Variants in AKT3 observed in about 807,000 individuals in gnomAD.
AKT3 encodes RAC-gamma serine/threonine-protein kinase.
Under a neutral mutation model 65.3 loss-of-function variants are expected in AKT3, and 15 were observed. That is an observed-to-expected ratio of 0.23 (90% CI 0.15 to 0.35). AKT3 has a LOEUF of 0.35. AKT3 is among the 10% of genes least tolerant of loss of function. The pLI, the probability that AKT3 is intolerant of heterozygous loss-of-function variation, is 1.00. For missense variants in AKT3, 243 were observed against 576.5 expected (o/e 0.42, Z 5.92); for synonymous variants, 206 against 183.8 (o/e 1.12, Z -0.98).
chr1:243,753,564 A>T (rs889211360), intron 2 of AKT3, among the ~76,000 whole-genome samples: 2 of 152,216 alleles, frequency 1.3e-5, no homozygotes, highest in African/African-American at 4.8e-5. Flanking sequence ...TGGTTTAAGA[A>T]AGAAATGTCC....
chr1:243,849,377 C>T (rs1249583117), intron 1 of AKT3, among the ~76,000 whole-genome samples: 1 of 102,792 alleles, frequency 9.7e-6, no homozygotes, highest in Non-Finnish European at 2.2e-5. Flanking sequence ...ACCCACCTCC[C>T]ACACACACAC....
chr1:243,746,383 T>C (rs905551257), intron 2 of AKT3, among the ~76,000 whole-genome samples: 4 of 152,228 alleles, frequency 2.6e-5, no homozygotes, highest in Non-Finnish European at 5.9e-5. Flanking sequence ...TCTTGAGTGA[T>C]AAATGTTTTT....
intron 2 of AKT3, among the ~76,000 whole-genome samples, chr1:243,755,771 C>T (rs1277755329): frequency 2.0e-5 from 3 of 152,198 alleles, no homozygotes; most frequent in South Asian, 4.1e-4. Context: ...AGTAAAAGAA[C>T]CCTTTTATCA....
intron 2 of AKT3, among the ~76,000 whole-genome samples, chr1:243,719,167 T>C (rs1260162179): frequency 6.6e-6 from 1 of 152,230 alleles, no homozygotes. Context: ...GCAAGCTGCA[T>C]GTGGAATGTG....
intron 11 of AKT3, among the ~76,000 whole-genome samples, chr1:243,551,859 G>A (rs924738095): frequency 1.3e-5 from 2 of 152,056 alleles, no homozygotes; most frequent in Non-Finnish European, 2.9e-5. Context: ...GTAGCTCATT[G>A]AACAAAGCAG....
chr1:243,664,592 T>C (rs956616816), intron 4 of AKT3, among the ~76,000 whole-genome samples, 180 bp downstream of exon 4: 7 of 152,120 alleles, frequency 4.6e-5, no homozygotes, highest in Non-Finnish European at 1.0e-4. Context: ...GGTTCTGATA[T>C]ATTAAATATT....
At chr1:243,849,801 G>C (rs1463901827) in intron 1 of AKT3, among the ~76,000 whole-genome samples, 1 of 151,758 alleles carries the variant, frequency 6.6e-6, no homozygotes, top group Non-Finnish European at 1.5e-5. Context: ...GGAAAGCGGG[G>C]GGTGTCGGTG....
intron 2 of AKT3, among the ~76,000 whole-genome samples, chr1:243,713,415 A>T (rs1440296097): frequency 6.6e-6 from 1 of 152,160 alleles, no homozygotes; most frequent in Non-Finnish European, 1.5e-5. Context: ...ATTAGTATGT[A>T]CCCTTGGTTA....
At chr1:243,591,315 G>C (rs1288722363) in intron 8 of AKT3, among the ~76,000 whole-genome samples, 1 of 152,204 alleles carries the variant, frequency 6.6e-6, no homozygotes, top group African/African-American at 2.4e-5. Context: ...ATCTAACAGA[G>C]TTTTAAAAAA....
At chr1:243,678,937 T>TC (rs1683720928) in intron 3 of AKT3, among the ~76,000 whole-genome samples, 1 of 152,116 alleles carries the variant, frequency 6.6e-6, no homozygotes. Flanking sequence ...TGCCTATCTC[T>TC]CCTGCCTTCT....
intron 8 of AKT3, among the ~76,000 whole-genome samples, chr1:243,599,440 C>A (rs1434042800): frequency 6.6e-6 from 1 of 151,970 alleles, no homozygotes; most frequent in Admixed American, 6.6e-5. Context: ...GCACAAAAGA[C>A]AGAAGGCAGG....
rs1672172812 is a variant in AKT3, at chr1:243,539,688, T to C, written c.1251+5822A>G. Among the ~76,000 whole-genome samples the C allele has an allele frequency of 2.6e-5, 4 of 152,190 alleles. No individual in the cohort carries two copies. The South Asian group carries it at 8.3e-4, about 32-fold the overall frequency. ...AAGCTAGGAATCAGTAACAGAAAGA[T>C]ATCTGAAAAATCCATATATTTGGAA... On this transcript the variant is annotated intron_variant, in intron 12 of 13. Coordinates refer to ENST00000673466, the MANE Select transcript of AKT3 (RefSeq NM_005465.7).
intron 13 of AKT3, among the ~76,000 whole-genome samples, chr1:243,508,655 CTTTTTT>C (rs369887012): frequency 1.7e-3 from 179 of 108,272 alleles, no homozygotes; most frequent in Middle Eastern, 0.01. Flanking sequence ...AAAAGCCAGA[CTTTTTT>C]TTTTTTTTTT....
At chr1:243,521,728 G>A (rs948877770) in intron 12 of AKT3, among the ~76,000 whole-genome samples, 10 of 152,128 alleles carry the variant, frequency 6.6e-5, no homozygotes, top group African/African-American at 2.4e-4. Flanking sequence ...CTGCCAAAAT[G>A]AGTACTTTAA....
chr1:243,699,465 C>CCATATATATATATATATA (rs1389882625), intron 2 of AKT3, among the ~76,000 whole-genome samples: 1 of 103,616 alleles, frequency 9.7e-6, no homozygotes, highest in African/African-American at 4.9e-5. Context: ...ACCTCTTCCA[C>CCATATATATATATATATA]TATATATATA....
At chr1:243,703,910 A>T (rs1685633419) in intron 2 of AKT3, among the ~76,000 whole-genome samples, 1 of 152,212 alleles carries the variant, frequency 6.6e-6, no homozygotes, top group Non-Finnish European at 1.5e-5. Context: ...ATAGGTACTT[A>T]TTAAATACAT....
At chr1:243,541,615 T>G (rs1406662026) in intron 12 of AKT3, among the ~76,000 whole-genome samples, 2 of 152,200 alleles carry the variant, frequency 1.3e-5, no homozygotes, top group Non-Finnish European at 2.9e-5. Context: ...TCATATTTAA[T>G]GGTAAAAGGT....
intron 2 of AKT3, among the ~76,000 whole-genome samples, chr1:243,754,592 C>A (rs569228232): frequency 6.6e-6 from 1 of 152,316 alleles, no homozygotes; most frequent in East Asian, 1.9e-4. Flanking sequence ...GCATTACCAC[C>A]TGAGCTCCAC....
At position 243,505,288 on chromosome 1, in the gene AKT3, A is replaced by G. The variant is rs573383245; in HGVS notation, c.1401T>C (p.His467=). ...TTGCAGAGTAGGAAAATTGAGGGAA[A>G]TGCGGCCGCCTCTCATTGTCCATGC... ...MDCMDNERRP[H]FPQFSYSASG... The change falls in exon 14 of 14, where the codon CAT becomes CAC. Residue 467 remains histidine (H), a synonymous_variant. Transcript: ENST00000673466. 1.2e-6 allele frequency: 2 copies of G among 1,614,180 alleles called. No homozygotes were observed. Among genetic ancestry groups the G allele is most frequent in the African/African-American group, 2.7e-5 (2 of 75,056 alleles).
Sources: allele counts gnomAD v4.1 joint callset (sites outside exome capture counted in the v4.1 genomes callset), GRCh38; gene constraint gnomAD v4.1.1; transcripts MANE v1.5; gene names NCBI Gene and HGNC (gene_info 2026-07-23, HGNC 2026-07-21).